Variants in GM2A observed in about 807,000 individuals in gnomAD.
GM2A encodes GM2 ganglioside activator.
GM2A carries 7 observed loss-of-function variants against 12.9 expected under a neutral mutation model. That is an observed-to-expected ratio of 0.54 (90% confidence interval 0.31 to 1.02). The LOEUF is 1.02. GM2A is among the 50% of genes least tolerant of loss of function. The probability of loss-of-function intolerance (pLI) is 0.05; values close to 1 mark genes in which losing one functional copy is unlikely to be tolerated. For synonymous variants in GM2A, 101 were observed against 96.0 expected, an observed-to-expected ratio of 1.05 and a Z score of -0.30; for missense variants, 246 against 241.0, an observed-to-expected ratio of 1.02 and a Z score of -0.14.
rs1753975696 is a variant in GM2A, at chr5:151,269,935, A to G, written c.*2484A>G. The G allele has an allele frequency of 4.2e-6, 5 of 1,191,246 alleles. No individual in the cohort carries two copies. Among genetic ancestry groups the G allele is most frequent in the Non-Finnish European group, 5.2e-6 (5 of 960,688 alleles). The allele number at this position is 1,191,246 out of a possible 1,614,324, so 73.8% of individuals were successfully genotyped here. The stretch of plus-strand genomic sequence containing the variant: ...AGTTGACCACTTCCCAATGCCGGGG[A>G]TCTGACACCTCACCTGGCAATGACC... On this transcript the variant is annotated 3_prime_UTR_variant, in exon 4 of 4. Transcript: ENST00000357164.
At position 151,259,601 on chromosome 5, in the gene GM2A, C is replaced by G. The variant is rs16838; in HGVS notation, c.82-154C>G. On this transcript the variant is annotated intron_variant, in intron 1 of 3. Coordinates refer to ENST00000357164, the MANE Select transcript of GM2A (RefSeq NM_000405.5). ...ATGAGTAGGATAAGTGTTATCCCAG[C>G]TTCATAGGTATGGAGTCTCATAGAT... 0.61 allele frequency among the ~76,000 whole-genome samples: 93,116 copies of G among 152,084 alleles called. 28,881 individuals are homozygous for G. The highest frequency in any genetic ancestry group is 0.76 in the South Asian group (3,653 of 4,822).
rs1055314003 is a variant in GM2A, at chr5:151,269,550, G to A, written c.*2099G>A. On this transcript the variant is annotated 3_prime_UTR_variant, in exon 4 of 4. Coordinates refer to ENST00000357164, the MANE Select transcript of GM2A (RefSeq NM_000405.5). Reference sequence around the variant, plus strand: ...TTTTATCTGAGGAATTTAAAAGGGAGCAAAGACCACCTGGTGACTATCAGG... The same window carrying A: ...TTTTATCTGAGGAATTTAAAAGGGAACAAAGACCACCTGGTGACTATCAGG... 1.1e-5 allele frequency: 7 copies of A among 648,810 alleles called. No individual in the cohort carries two copies. The highest frequency in any genetic ancestry group is 9.8e-5 in the African/African-American group (5 of 51,010). The allele number at this position is 648,810 out of a possible 1,614,324, so 40.2% of individuals were successfully genotyped here. A position where few individuals can be genotyped will look rare whatever the true frequency, so the allele number is the denominator to read the frequency against.
chr5:151,263,175 C>T (rs180759324), intron 2 of GM2A, among the ~76,000 whole-genome samples: 2 of 149,360 alleles, frequency 1.3e-5, no homozygotes, highest in Non-Finnish European at 3.0e-5. Flanking sequence ...TCATTGCAAC[C>T]TCTGCCTCCC....
intron 2 of GM2A, among the ~76,000 whole-genome samples, chr5:151,263,653 G>T (rs1753836593): frequency 6.6e-6 from 1 of 152,006 alleles, no homozygotes; most frequent in South Asian, 2.1e-4. Context: ...CAGGGGAGGG[G>T]AGAGGAGTGC....
Position 151,269,338 on chromosome 5 carries a change from TG to T in GM2A, c.*1889del. The T allele has an allele frequency of 1.0e-6, 1 of 985,522 alleles. No individual in the cohort carries two copies. The highest frequency in any genetic ancestry group is 1.2e-6 in the Non-Finnish European group (1 of 830,002). 61.0% of individuals were successfully genotyped at this position (985,522 alleles called of 1,614,324 possible). ...GGCTCTTTTGGTTGGAAGGGTTTGT[TG>T]GAACGGTACAGGTGAGCCGAGGTGA... On this transcript the variant is annotated 3_prime_UTR_variant, in exon 4 of 4. Coordinates refer to ENST00000357164, the MANE Select transcript of GM2A (RefSeq NM_000405.5).
chr5:151,264,742 G>T lies in GM2A; in HGVS notation c.244-1989G>T, dbSNP rs984594769. ...TGCCTGTAATCCCAGGACCTTGGGA[G>T]GCCGAGGCGGGTGGATCATTTGAAG... On this transcript the variant is annotated intron_variant, in intron 2 of 3. Coordinates refer to ENST00000357164, the MANE Select transcript of GM2A (RefSeq NM_000405.5). Among the ~76,000 whole-genome samples, 11 of 152,274 alleles carry T rather than the reference G, an allele frequency of 7.2e-5. 1 individual carries two copies. Among genetic ancestry groups the T allele is most frequent in the Admixed American group, 2.0e-4 (3 of 15,292 alleles).
At chr5:151,258,625 C>T (rs190546587) in intron 1 of GM2A, among the ~76,000 whole-genome samples, 1 of 152,286 alleles carries the variant, frequency 6.6e-6, no homozygotes, top group Non-Finnish European at 1.5e-5. Context: ...GATCACAGAT[C>T]TAGATGGTCT....
chr5:151,263,031 C>T (rs1345912584), intron 2 of GM2A, among the ~76,000 whole-genome samples: 3 of 151,676 alleles, frequency 2.0e-5, no homozygotes, highest in Non-Finnish European at 4.4e-5. Context: ...TTTACTGTCA[C>T]TTGTGCTTAG....
intron 1 of GM2A, among the ~76,000 whole-genome samples, chr5:151,258,676 C>A (rs1753738658): frequency 6.6e-6 from 1 of 152,160 alleles, no homozygotes; most frequent in Non-Finnish European, 1.5e-5. Flanking sequence ...CAGCACAAAA[C>A]CCCCATATCC....
At position 151,259,783 on chromosome 5, in the gene GM2A, A is replaced by T. The variant is rs760365843; in HGVS notation, c.110A>T (p.Asp37Val). The change falls in exon 2 of 4, where the codon GAT (aspartate) becomes GTT (valine). Residue 37 changes from aspartate (D) to valine (V), a missense_variant. By Grantham distance (152) the Asp-to-Val change is radical. Transcript: ENST00000357164. ...TCCCAGCTCAGTAGCTTTTCCTGGG[A>T]TAACTGTGATGAAGGGAAGGACCCT... ...KPSQLSSFSW[D>V]NCDEGKDPAV... is the part of the protein sequence containing the mutation. The T allele has an allele frequency of 1.2e-6, 2 of 1,613,854 alleles. No individual in the cohort carries two copies. Among genetic ancestry groups the T allele is most frequent in the Admixed American group, 3.3e-5 (2 of 60,008 alleles).
chr5:151,253,293 A>G lies in GM2A; in HGVS notation c.77A>G (p.Lys26Arg). 1.2e-6 allele frequency: 2 copies of G among 1,610,038 alleles called. No individual in the cohort carries two copies. The highest frequency in any genetic ancestry group is 1.7e-6 in the Non-Finnish European group (2 of 1,176,516). Residue 26 changes from lysine to arginine, a missense_variant, in exon 1 of 4, where the codon AAA becomes AGA. Transcript: ENST00000357164. ...LLAAPAQAHL[K>R]KPSQLSSFSW... ...GCGGCCCCTGCGCAAGCCCACCTGA[A>G]AAAGGTGAGTGCACCCTCTTTTAAG...
intron 2 of GM2A, among the ~76,000 whole-genome samples, chr5:151,266,447 C>CAAAAAAAAAAAAAAAAAA (rs59997121): frequency 4.7e-5 from 5 of 106,156 alleles, no homozygotes; most frequent in Non-Finnish European, 5.7e-5. Context: ...AGCCATGATA[C>CAAAAAAAAAAAAAAAAAA]AAAAAAAAAA....
chr5:151,261,198 T>A (rs923583010), intron 2 of GM2A, among the ~76,000 whole-genome samples: 7 of 152,286 alleles, frequency 4.6e-5, no homozygotes, highest in African/African-American at 1.2e-4. Context: ...CTAATTTTTT[T>A]ATTTTTTATG....
intron 2 of GM2A, 66 bp from the exon 3 acceptor site, chr5:151,266,665 G>T: frequency 1.7e-6 from 2 of 1,158,336 alleles, no homozygotes; most frequent in Non-Finnish European, 2.6e-6. Flanking sequence ...AGAAGAGCTG[G>T]TATGTTTGCC....
chr5:151,253,408 C>T, intron 1 of GM2A, 111 bp downstream of exon 1: 1 of 761,434 alleles, frequency 1.3e-6, no homozygotes, highest in Non-Finnish European at 2.3e-6. Flanking sequence ...AATTGGTTCT[C>T]TGCACTAGAG....
Position 151,266,876 on chromosome 5 carries a change from G to C in GM2A, c.389G>C (p.Arg130Pro), listed in dbSNP as rs769169088. The C allele has an allele frequency of 3.1e-6, 5 of 1,613,960 alleles. No homozygotes were observed. The highest frequency in any genetic ancestry group is 3.4e-6 in the Non-Finnish European group (4 of 1,179,898). The part of the protein sequence containing the change: ...PTGEPCPEPL[R>P]TYGLPCHCPF... ...GGGGAGCCCTGCCCAGAGCCCCTGC[G>C]TACCTATGGGCTTCCTTGCCACTGT... The change falls in exon 3 of 4, where the codon CGT becomes CCT. Residue 130 changes from arginine (R) to proline (P), a missense_variant. Coordinates refer to ENST00000357164, the MANE Select transcript of GM2A (RefSeq NM_000405.5).
At chr5:151,264,646 C>T (rs1055929160) in intron 2 of GM2A, among the ~76,000 whole-genome samples, 29 of 152,176 alleles carry the variant, frequency 1.9e-4, no homozygotes, top group Admixed American at 1.8e-3. Context: ...CTCAATGGGA[C>T]CTGTGAGAGA....
intron 2 of GM2A, among the ~76,000 whole-genome samples, chr5:151,261,457 G>A (rs1191102692): frequency 6.6e-6 from 1 of 152,056 alleles, no homozygotes; most frequent in Non-Finnish European, 1.5e-5. Context: ...TGTTTGTTTT[G>A]AGACAGGTTC....
intron 2 of GM2A, among the ~76,000 whole-genome samples, chr5:151,264,936 C>G (rs1363085242): frequency 6.6e-6 from 1 of 151,432 alleles, no homozygotes; most frequent in East Asian, 1.9e-4. Context: ...GAGCCAAAAT[C>G]ACACCACTAT....
Sources: gnomAD v4.1 joint callset for allele counts (sites outside exome capture counted in the v4.1 genomes callset) on GRCh38, gnomAD v4.1.1 for gene constraint, MANE v1.5 for transcripts, NCBI Gene and HGNC (gene_info 2026-07-23, HGNC 2026-07-21) for gene names.